HECW2: variants seen among roughly 807,000 people sequenced by gnomAD.
HECW2 encodes E3 ubiquitin-protein ligase HECW2.
In HECW2, 61 loss-of-function variants were observed where a neutral mutation model predicts 175.2. That is an observed-to-expected ratio of 0.35 (90% CI 0.28 to 0.43). The LOEUF is 0.43. Ranked by LOEUF, HECW2 falls within the 20% of genes least tolerant of loss-of-function variation. HECW2 has a pLI of 1.00. For synonymous variants in HECW2, 671 were observed against 731.0 expected, an observed-to-expected ratio of 0.92 and a Z score of 1.32; for missense variants, 1,524 against 2,000.5, an observed-to-expected ratio of 0.76 and a Z score of 4.54.
intron 1 of HECW2, among the ~76,000 whole-genome samples, chr2:196,564,336 G>T (rs1328961630): frequency 6.6e-6 from 1 of 152,036 alleles, no homozygotes; most frequent in African/African-American, 2.4e-5. Context: ...TAAAAAATGG[G>T]ATAATTCAAC....
chr2:196,252,285 A>T (rs1304244839), intron 19 of HECW2, among the ~76,000 whole-genome samples: 1 of 151,684 alleles, frequency 6.6e-6, no homozygotes, highest in African/African-American at 2.4e-5. Flanking sequence ...CTTCCCTTGT[A>T]TCTATTAACT....
intron 1 of HECW2, among the ~76,000 whole-genome samples, chr2:196,491,367 T>TAC (rs1449828623): frequency 1.2e-3 from 118 of 95,750 alleles, no homozygotes; most frequent in African/African-American, 3.2e-3. Flanking sequence ...ATCATATATA[T>TAC]ATACACACAC....
intron 1 of HECW2, among the ~76,000 whole-genome samples, chr2:196,524,316 G>GGTGA (rs1688546391): frequency 8.8e-6 from 1 of 113,830 alleles, no homozygotes; most frequent in African/African-American, 5.5e-5. Context: ...TGGGATCAGT[G>GGTGA]GTGATATCCC....
chr2:196,553,808 A>G (rs916784834), intron 1 of HECW2, among the ~76,000 whole-genome samples: 1 of 152,242 alleles, frequency 6.6e-6, no homozygotes, highest in Admixed American at 6.5e-5. Context: ...AACCTAAAAC[A>G]CCATTAACTT....
chr2:196,402,951 C>T (rs189253737), intron 2 of HECW2, among the ~76,000 whole-genome samples: 13 of 152,150 alleles, frequency 8.5e-5, no homozygotes, highest in East Asian at 1.9e-4. Flanking sequence ...GGATTACAGG[C>T]GCGCACTACC....
At chr2:196,233,740 A>C (rs1361491981) in intron 21 of HECW2, among the ~76,000 whole-genome samples, 2 of 152,208 alleles carry the variant, frequency 1.3e-5, no homozygotes, top group Non-Finnish European at 2.9e-5. Flanking sequence ...TATCCTGTGA[A>C]TGTCTCTTTT....
intron 21 of HECW2, chr2:196,238,413 CCTTA>C (rs1413124691): frequency 3.3e-5 from 5 of 151,084 alleles, no homozygotes; most frequent in Non-Finnish European, 7.4e-5. Flanking sequence ...TAAAAGAGCT[CCTTA>C]CTTTTATGTA....
chr2:196,508,159 AG>A (rs1286502691), intron 1 of HECW2, among the ~76,000 whole-genome samples: 9 of 152,230 alleles, frequency 5.9e-5, no homozygotes. Flanking sequence ...AACAAAAGTT[AG>A]GAGACATAAA....
intron 2 of HECW2, among the ~76,000 whole-genome samples, chr2:196,378,549 A>G (rs1694114182): frequency 6.6e-6 from 1 of 152,248 alleles, no homozygotes; most frequent in Non-Finnish European, 1.5e-5. Context: ...CCCCTAAATA[A>G]AATAAAAGTA....
intron 4 of HECW2, among the ~76,000 whole-genome samples, chr2:196,330,259 A>G (rs1692310158): frequency 6.6e-6 from 1 of 152,156 alleles, no homozygotes; most frequent in Non-Finnish European, 1.5e-5. Context: ...ATACCTCACA[A>G]GAAGCCAGTA....
intron 14 of HECW2, among the ~76,000 whole-genome samples, chr2:196,280,185 G>T (rs1233329989): frequency 6.6e-6 from 1 of 152,152 alleles, no homozygotes; most frequent in Non-Finnish European, 1.5e-5. Context: ...GGAGAGCCAG[G>T]AGACTCAGTA....
chr2:196,262,968 G>A (rs971365060), intron 17 of HECW2: 1 of 151,712 alleles, frequency 6.6e-6, no homozygotes, highest in Non-Finnish European at 1.5e-5. Flanking sequence ...CCAAAATAAC[G>A]TATGTGGCTC....
At chr2:196,209,502 G>C (rs1438432538) in intron 28 of HECW2, among the ~76,000 whole-genome samples, 1 of 152,174 alleles carries the variant, frequency 6.6e-6, no homozygotes, top group Non-Finnish European at 1.5e-5. Context: ...TTAAAATACA[G>C]TTATATAGAA....
At chr2:196,477,984 G>A (rs1372210023) in intron 1 of HECW2, among the ~76,000 whole-genome samples, 6 of 152,044 alleles carry the variant, frequency 3.9e-5, no homozygotes, top group African/African-American at 2.4e-5. Flanking sequence ...CCTGGGAGGC[G>A]GAGGTTGCAG....
chr2:196,582,262 AT>A (rs1338148141), intron 1 of HECW2, among the ~76,000 whole-genome samples: 2 of 152,284 alleles, frequency 1.3e-5, no homozygotes, highest in East Asian at 3.9e-4. Flanking sequence ...TAGCCACCAA[AT>A]TCAATAACCA....
intron 21 of HECW2, among the ~76,000 whole-genome samples, chr2:196,230,894 G>T (rs1230156268): frequency 3.3e-5 from 5 of 151,988 alleles, no homozygotes; most frequent in African/African-American, 1.2e-4. Flanking sequence ...ACGAGGTCAG[G>T]AGATTGAGAC....
At chr2:196,377,762 C>T (rs1452302340) in intron 2 of HECW2, among the ~76,000 whole-genome samples, 1 of 152,196 alleles carries the variant, frequency 6.6e-6, no homozygotes, top group Non-Finnish European at 1.5e-5. Context: ...ACAAATTTCT[C>T]ATGCAATAAC....
intron 2 of HECW2, among the ~76,000 whole-genome samples, chr2:196,379,724 A>C (rs1694156010): frequency 2.0e-5 from 3 of 151,314 alleles, no homozygotes; most frequent in Middle Eastern, 3.5e-3. Flanking sequence ...ATGGCACCTT[A>C]AGGACTTTCC....
At chr2:196,288,192 C>A (rs577789942) in intron 14 of HECW2, 91 of 152,252 alleles carry the variant, frequency 6.0e-4, no homozygotes, top group African/African-American at 2.0e-3. Context: ...ATGTGTCGAT[C>A]TGATTTCAGT....
Sources: gnomAD v4.1 joint callset for allele counts (sites outside exome capture counted in the v4.1 genomes callset) on GRCh38, gnomAD v4.1.1 for gene constraint, MANE v1.5 for transcripts, NCBI Gene and HGNC (gene_info 2026-07-23, HGNC 2026-07-21) for gene names.